Variants in GRAMD1B observed in about 807,000 individuals in gnomAD.
GRAMD1B encodes the protein GRAM domain containing 1B, also known as protein Aster-B.
A neutral mutation model predicts 99.7 loss-of-function variants in GRAMD1B; 37 were observed. The ratio of observed to expected loss-of-function variants is 0.37; its 90% CI spans 0.29 to 0.49. The LOEUF (loss-of-function observed/expected upper bound fraction) is 0.49. Ranked by LOEUF, GRAMD1B falls within the 20% of genes least tolerant of loss-of-function variation. The probability of loss-of-function intolerance (pLI) is 0.98; values close to 1 mark genes in which losing one functional copy is unlikely to be tolerated. For synonymous variants in GRAMD1B, 427 were observed against 387.6 expected (o/e 1.10, Z -1.19); for missense variants, 888 against 1,009.2 (o/e 0.88, Z 1.63).
At chr11:123,549,039 C>T (rs1490591011) in intron 2 of GRAMD1B, among the ~76,000 whole-genome samples, 1 of 152,130 alleles carries the variant, frequency 6.6e-6, no homozygotes, top group African/African-American at 2.4e-5. Context: ...CAGGAAGATG[C>T]TGGGGAAGGG....
At chr11:123,549,681 C>T (rs957411728) in intron 2 of GRAMD1B, among the ~76,000 whole-genome samples, 1 of 152,186 alleles carries the variant, frequency 6.6e-6, no homozygotes, top group Non-Finnish European at 1.5e-5. Context: ...CATGGTCACG[C>T]AGCAGTGTCA....
intron 5 of GRAMD1B, 51 bp from the exon 6 acceptor site, chr11:123,594,684 G>GC: frequency 1.1e-6 from 1 of 939,410 alleles, no homozygotes; most frequent in South Asian, 1.3e-5. Context: ...GCAGTGGTTT[G>GC]CCGAAAATGC....
intron 1 of GRAMD1B, among the ~76,000 whole-genome samples, chr11:123,390,299 C>A (rs548819455): frequency 6.6e-6 from 1 of 152,124 alleles, no homozygotes; most frequent in Non-Finnish European, 1.5e-5. Flanking sequence ...CTTGCTCTGG[C>A]GGCAGTGGGG....
chr11:123,415,666 T>C (rs1948211341), intron 1 of GRAMD1B, among the ~76,000 whole-genome samples: 1 of 152,122 alleles, frequency 6.6e-6, no homozygotes, highest in Non-Finnish European at 1.5e-5. Flanking sequence ...CAGACACTCT[T>C]TTCCAAGCCA....
chr11:123,469,396 G>GTGA (rs1950871573), intron 1 of GRAMD1B, among the ~76,000 whole-genome samples: 1 of 152,186 alleles, frequency 6.6e-6, no homozygotes, highest in African/African-American at 2.4e-5. Flanking sequence ...TGGGTGAGGA[G>GTGA]TGATGAGAGC....
At chr11:123,488,929 T>TGGG (rs756604270) in intron 2 of GRAMD1B, among the ~76,000 whole-genome samples, 8 of 150,930 alleles carry the variant, frequency 5.3e-5, no homozygotes, top group Non-Finnish European at 1.0e-4. Context: ...GGAAAATAGT[T>TGGG]AGGGGGGGGC....
intron 1 of GRAMD1B, among the ~76,000 whole-genome samples, chr11:123,413,235 C>G (rs1948114305): frequency 6.6e-6 from 1 of 152,168 alleles, no homozygotes; most frequent in African/African-American, 2.4e-5. Flanking sequence ...GGTGGATTTC[C>G]TGCTCTCCAA....
In GRAMD1B at chr11:123,577,441, C is replaced by A. The variant is rs757482018; in HGVS notation, c.527C>A (p.Pro176Gln). ...CGGAAGCGGTCTCGCTCGCCAACCCCGCAGAACCAGGACGGAGACACCATG... is the reference window on the plus strand; with the variant it reads ...CGGAAGCGGTCTCGCTCGCCAACCCAGCAGAACCAGGACGGAGACACCATG... ...ILRKRSRSPT[P>Q]QNQDGDTMVE... is the part of the protein sequence containing the mutation. Residue 176 changes from proline to glutamine, a missense_variant, in exon 3 of 20, where the codon CCG becomes CAG. This residue lies in a region of GRAMD1B where 233 missense variants were observed against 154.6 expected (regional missense o/e 1.51). Transcript: ENST00000635736. The A allele has an allele frequency of 1.2e-6, 2 of 1,602,902 alleles. No homozygotes were observed. Among genetic ancestry groups the A allele is most frequent in the East Asian group, 4.5e-5 (2 of 44,200 alleles).
chr11:123,526,453 G>C (rs527335301), intron 2 of GRAMD1B, among the ~76,000 whole-genome samples: 12 of 152,178 alleles, frequency 7.9e-5, no homozygotes, highest in Non-Finnish European at 1.6e-4. Flanking sequence ...CTCCAACTTC[G>C]AGTACGTGAG....
intron 2 of GRAMD1B, among the ~76,000 whole-genome samples, chr11:123,564,764 G>A (rs1264751348): frequency 1.3e-5 from 2 of 152,172 alleles, no homozygotes; most frequent in African/African-American, 4.8e-5. Context: ...TGAGGATGGG[G>A]GAGGGGTCCT....
At chr11:123,561,522 G>A (rs377277756) in intron 2 of GRAMD1B, among the ~76,000 whole-genome samples, 33 of 152,346 alleles carry the variant, frequency 2.2e-4, no homozygotes, top group African/African-American at 7.7e-4. Flanking sequence ...CCAGTGGCTG[G>A]GCCTTACTCC....
chr11:123,440,529 A>G (rs1006033242), intron 1 of GRAMD1B, among the ~76,000 whole-genome samples: 1 of 152,186 alleles, frequency 6.6e-6, no homozygotes, highest in African/African-American at 2.4e-5. Context: ...AAAAGTCAGC[A>G]TATTGTATCT....
At chr11:123,423,359 CTT>C (rs1188686041) in intron 1 of GRAMD1B, among the ~76,000 whole-genome samples, 4 of 151,942 alleles carry the variant, frequency 2.6e-5, no homozygotes, top group Non-Finnish European at 5.9e-5. Flanking sequence ...CTCCTCTTCT[CTT>C]CTCTCTCTCC....
intron 2 of GRAMD1B, among the ~76,000 whole-genome samples, chr11:123,551,456 C>T (rs2135862988): frequency 6.6e-6 from 1 of 152,296 alleles, no homozygotes; most frequent in East Asian, 1.9e-4. Context: ...CACAGTCATC[C>T]TTTTATAGAG....
chr11:123,468,213 T>C (rs1413158030), intron 1 of GRAMD1B, among the ~76,000 whole-genome samples: 1 of 151,998 alleles, frequency 6.6e-6, no homozygotes. Context: ...GGAAGGAAGG[T>C]GCAATCTGTG....
At chr11:123,546,159 C>A (rs547539840) in intron 2 of GRAMD1B, among the ~76,000 whole-genome samples, 1 of 152,228 alleles carries the variant, frequency 6.6e-6, no homozygotes. Context: ...TTACTACCCA[C>A]GCCCAAATTG....
intron 1 of GRAMD1B, among the ~76,000 whole-genome samples, chr11:123,456,085 C>A (rs376045325): frequency 1.3e-5 from 2 of 152,128 alleles, no homozygotes; most frequent in African/African-American, 4.8e-5. Context: ...GCACGAGAAT[C>A]GCTTGAACCA....
chr11:123,545,453 A>G (rs11219193), intron 2 of GRAMD1B, among the ~76,000 whole-genome samples: 16,324 of 152,144 alleles, frequency 0.11, 999 homozygotes, highest in Middle Eastern at 0.15. Flanking sequence ...GTCCATCAGA[A>G]TATCTGCCTG....
At chr11:123,468,621 T>C (rs908703116) in intron 1 of GRAMD1B, among the ~76,000 whole-genome samples, 6 of 151,850 alleles carry the variant, frequency 4.0e-5, no homozygotes, top group Admixed American at 2.6e-4. Flanking sequence ...TGGTGAGACC[T>C]TATCTTTACA....
Sources: gnomAD v4.1 joint callset for allele counts (sites outside exome capture counted in the v4.1 genomes callset) on GRCh38, gnomAD v4.1.1 for gene constraint, gnomAD v4.1.1 regional missense constraint, MANE v1.5 for transcripts, NCBI Gene and HGNC (gene_info 2026-07-23, HGNC 2026-07-21) for gene names.